The following MEI4 variants were observed in gnomAD, a reference collection of about 807,000 sequenced individuals.
MEI4 encodes meiosis-specific protein MEI4.
In MEI4, 27 loss-of-function variants were observed where a neutral mutation model predicts 31.4. The ratio of observed to expected loss-of-function variants is 0.86; its 90% CI spans 0.63 to 1.19. MEI4 has a LOEUF of 1.19. Ranked by LOEUF, MEI4 falls within the 50% of genes most tolerant of loss-of-function variation. The pLI, the probability that MEI4 is intolerant of heterozygous loss-of-function variation, is 0.00. For synonymous variants in MEI4, 122 were observed against 145.4 expected, an observed-to-expected ratio of 0.84 and a Z score of 1.16; for missense variants, 329 against 398.9, an observed-to-expected ratio of 0.82 and a Z score of 1.49.
rs544940993 is a variant in MEI4, at chr6:77,741,873, G to C, written c.233-19257G>C. ...CTATGAGTGAGAACATGCGGTGTTT[G>C]GTTTTTTGTCCTTGTGACAGTTTAC... On this transcript the variant is annotated intron_variant, in intron 2 of 4. Transcript: ENST00000684080. 1.4e-3 allele frequency among the ~76,000 whole-genome samples: 203 copies of C among 147,842 alleles called. 1 individual carries two copies. Among genetic ancestry groups the C allele is most frequent in the African/African-American group, 4.5e-3 (179 of 39,966 alleles).
At chr6:77,710,539 A>AAT (rs33944085) in intron 2 of MEI4, among the ~76,000 whole-genome samples, 4 of 120,796 alleles carry the variant, frequency 3.3e-5, no homozygotes, top group East Asian at 2.5e-4. Context: ...AAAAAAAAAA[A>AAT]AAAGAAAAGG....
chr6:77,899,184 C>T (rs553013181), intron 4 of MEI4, among the ~76,000 whole-genome samples: 9 of 152,046 alleles, frequency 5.9e-5, no homozygotes, highest in Admixed American at 3.3e-4. Flanking sequence ...ATGAGCTCTC[C>T]CAAATGCCTA....
intron 2 of MEI4, among the ~76,000 whole-genome samples, chr6:77,707,193 G>A (rs1034546577): frequency 3.9e-5 from 6 of 151,952 alleles, no homozygotes; most frequent in African/African-American, 1.5e-4. Flanking sequence ...GGCCTCAGAC[G>A]GAAATGAGGA....
chr6:77,887,372 C>T (rs192826416), intron 4 of MEI4, among the ~76,000 whole-genome samples: 2 of 152,106 alleles, frequency 1.3e-5, no homozygotes, highest in Admixed American at 6.6e-5. Context: ...TCTTGGCTCA[C>T]TGCAACCTCC....
At chr6:77,759,085 G>A (rs1004111662) in intron 2 of MEI4, among the ~76,000 whole-genome samples, 1 of 152,058 alleles carries the variant, frequency 6.6e-6, no homozygotes, top group African/African-American at 2.4e-5. Context: ...TTGTTTGTTT[G>A]TTTGTTTAAA....
chr6:77,744,224 A>G (rs1486076184), intron 2 of MEI4, among the ~76,000 whole-genome samples: 1 of 152,176 alleles, frequency 6.6e-6, no homozygotes, highest in Non-Finnish European at 1.5e-5. Flanking sequence ...GCTTTGAAAA[A>G]AATTTAGACG....
intron 4 of MEI4, among the ~76,000 whole-genome samples, chr6:77,877,086 A>C (rs1400752132): frequency 6.6e-6 from 1 of 152,094 alleles, no homozygotes; most frequent in Non-Finnish European, 1.5e-5. Flanking sequence ...GAAAAAATGG[A>C]GTTTAAAATT....
intron 2 of MEI4, among the ~76,000 whole-genome samples, chr6:77,756,248 A>G (rs1243424439): frequency 2.0e-5 from 3 of 152,222 alleles, no homozygotes; most frequent in African/African-American, 7.2e-5. Flanking sequence ...ATCAGATATT[A>G]TAACCCATTA....
chr6:77,790,465 C>T (rs977844775), intron 3 of MEI4, among the ~76,000 whole-genome samples: 1 of 151,682 alleles, frequency 6.6e-6, no homozygotes, highest in Non-Finnish European at 1.5e-5. Context: ...ACAGTGTTTA[C>T]TATTTGGGTG....
chr6:77,754,969 C>T (rs202239264), intron 2 of MEI4, among the ~76,000 whole-genome samples: 1 of 152,024 alleles, frequency 6.6e-6, no homozygotes, highest in South Asian at 2.1e-4. Flanking sequence ...GACACAGAAC[C>T]AAGCCATATC....
At chr6:77,839,066 G>A (rs1322107093) in intron 4 of MEI4, among the ~76,000 whole-genome samples, 2 of 152,198 alleles carry the variant, frequency 1.3e-5, no homozygotes, top group East Asian at 1.9e-4. Flanking sequence ...CCCCAGTCAA[G>A]GAACTCTGTT....
chr6:77,792,630 G>A (rs1768967490), intron 3 of MEI4, among the ~76,000 whole-genome samples: 1 of 151,778 alleles, frequency 6.6e-6, no homozygotes, highest in Non-Finnish European at 1.5e-5. Context: ...AAATCTTTAA[G>A]CAATTTTGAG....
chr6:77,655,296 A>G (rs1396329689), intron 1 of MEI4, among the ~76,000 whole-genome samples: 2 of 152,084 alleles, frequency 1.3e-5, no homozygotes, highest in Non-Finnish European at 2.9e-5. Flanking sequence ...TTCTTTATCC[A>G]GTTTATCATT....
intron 3 of MEI4, among the ~76,000 whole-genome samples, chr6:77,763,495 C>T (rs933170124): frequency 2.6e-5 from 4 of 152,126 alleles, no homozygotes; most frequent in African/African-American, 9.7e-5. Context: ...GCAGCAATTA[C>T]CCGTGCAAGA....
intron 1 of MEI4, among the ~76,000 whole-genome samples, chr6:77,662,937 T>C (rs1581999518): frequency 6.6e-6 from 1 of 152,050 alleles, no homozygotes; most frequent in African/African-American, 2.4e-5. Flanking sequence ...CAGTACAGCC[T>C]AGGTAATTTG....
At chr6:77,832,274 G>C (rs1247356562) in intron 4 of MEI4, among the ~76,000 whole-genome samples, 1 of 151,890 alleles carries the variant, frequency 6.6e-6, no homozygotes, top group Non-Finnish European at 1.5e-5. Flanking sequence ...ACCAAGAACT[G>C]TCTGAAAAAT....
chr6:77,900,073 A>G (rs998366603), intron 4 of MEI4, among the ~76,000 whole-genome samples: 4 of 152,064 alleles, frequency 2.6e-5, no homozygotes, highest in Non-Finnish European at 5.9e-5. Flanking sequence ...AAAGGAAAAA[A>G]AAATGAAGAA....
intron 3 of MEI4, among the ~76,000 whole-genome samples, 184 bp downstream of exon 3, chr6:77,761,849 A>G (rs1227221578): frequency 6.6e-6 from 1 of 152,304 alleles, no homozygotes; most frequent in South Asian, 2.1e-4. Context: ...TGATTGCTAC[A>G]GCATAGTTTT....
chr6:77,657,075 A>T (rs1335330276), intron 1 of MEI4, among the ~76,000 whole-genome samples: 1 of 152,206 alleles, frequency 6.6e-6, no homozygotes, highest in African/African-American at 2.4e-5. Context: ...AAAAATCTTT[A>T]GTGGCAAATA....
Sources: allele counts gnomAD v4.1 joint callset (sites outside exome capture counted in the v4.1 genomes callset), GRCh38; gene constraint gnomAD v4.1.1; transcripts MANE v1.5; gene names NCBI Gene and HGNC (gene_info 2026-07-23, HGNC 2026-07-21).